OSBPL9: variants seen among roughly 807,000 people sequenced by gnomAD.
OSBPL9 encodes the protein oxysterol-binding protein-related protein 9.
OSBPL9 carries 40 observed loss-of-function variants against 106.6 expected under a neutral mutation model. The ratio of observed to expected loss-of-function variants is 0.38; its 90% confidence interval spans 0.29 to 0.49. The LOEUF (loss-of-function observed/expected upper bound fraction) is 0.49, where lower values mean the gene tolerates loss of function less well. Among genes scored for constraint, OSBPL9 ranks in the 20% least tolerant of loss-of-function variants. The pLI is 0.97. For missense variants in OSBPL9, 609 were observed against 887.2 expected (o/e 0.69, Z 3.98); for synonymous variants, 269 against 295.4 (o/e 0.91, Z 0.92).
At chr1:51,540,588 A>T in the OSBPL9 span, among the ~76,000 whole-genome samples, 86 of 151,338 alleles carry the variant, frequency 5.7e-4, 1 homozygote, top group African/African-American at 1.9e-3. Flanking sequence ...TGGGAGGTGG[A>T]GGTTGCAGTG....
At chr1:51,782,808 C>T (rs1268800388) in intron 17 of OSBPL9, among the ~76,000 whole-genome samples, 165 bp downstream of exon 17, 1 of 152,154 alleles carries the variant, frequency 6.6e-6, no homozygotes, top group Non-Finnish European at 1.5e-5. Flanking sequence ...ATATCTTTTC[C>T]TTTTGTAAGC....
At chr1:51,540,836 G>A in the OSBPL9 span, among the ~76,000 whole-genome samples, 2 of 151,190 alleles carry the variant, frequency 1.3e-5, no homozygotes, top group Non-Finnish European at 1.5e-5. Context: ...GTGGGCGTCT[G>A]TAATCCCAGC....
At chr1:51,711,621 C>T (rs2148886171) in intron 3 of OSBPL9, among the ~76,000 whole-genome samples, 1 of 136,342 alleles carries the variant, frequency 7.3e-6, no homozygotes, top group South Asian at 2.4e-4. Flanking sequence ...TCAGACGGGG[C>T]AGCTGCTGGG....
At chr1:51,607,758 T>C (rs1643958897) in intron 2 of OSBPL9, among the ~76,000 whole-genome samples, 1 of 152,298 alleles carries the variant, frequency 6.6e-6, no homozygotes, top group East Asian at 1.9e-4. Context: ...TCTCACCTCC[T>C]TGGAGGAAAG....
chr1:51,572,197 G>A (rs1319489264), upstream of OSBPL9, among the ~76,000 whole-genome samples: 2 of 152,152 alleles, frequency 1.3e-5, no homozygotes, highest in Non-Finnish European at 2.9e-5. Flanking sequence ...ACAGTAGCCA[G>A]GAGGAAGAAG....
At chr1:51,682,811 A>G (rs565759710) in intron 3 of OSBPL9, among the ~76,000 whole-genome samples, 1 of 152,090 alleles carries the variant, frequency 6.6e-6, no homozygotes, top group Non-Finnish European at 1.5e-5. Flanking sequence ...ATACTCTTCA[A>G]CTTTATTTTC....
the OSBPL9 span, among the ~76,000 whole-genome samples, chr1:51,552,675 A>G: frequency 1.3e-5 from 2 of 152,190 alleles, no homozygotes; most frequent in Non-Finnish European, 2.9e-5. Context: ...CCCAGATTGG[A>G]GTGCAGTGGT....
At chr1:51,738,950 C>T (rs1284610151) in intron 4 of OSBPL9, among the ~76,000 whole-genome samples, 1 of 151,934 alleles carries the variant, frequency 6.6e-6, no homozygotes, top group African/African-American at 2.4e-5. Flanking sequence ...ACATGTATTA[C>T]TCATTTAATC....
upstream of OSBPL9, among the ~76,000 whole-genome samples, chr1:51,574,783 A>C (rs1179018775): frequency 6.6e-6 from 1 of 152,112 alleles, no homozygotes; most frequent in Non-Finnish European, 1.5e-5. Flanking sequence ...TAAAATAATA[A>C]AATCAGCTCA....
chr1:51,557,206 C>T, the OSBPL9 span, among the ~76,000 whole-genome samples: 1,004 of 152,306 alleles, frequency 6.6e-3, 11 homozygotes, highest in African/African-American at 0.023. Context: ...ATTTGGCTTA[C>T]ATTACCCAAC....
At chr1:51,544,527 C>T in the OSBPL9 span, among the ~76,000 whole-genome samples, 9 of 152,194 alleles carry the variant, frequency 5.9e-5, no homozygotes, top group South Asian at 1.9e-3. Context: ...AAGCTTGGAA[C>T]TTTCGTGTAG....
At chr1:51,625,610 ACCAAGACTC>A (rs1185403773) in intron 1 of OSBPL9, among the ~76,000 whole-genome samples, 2 of 151,604 alleles carry the variant, frequency 1.3e-5, no homozygotes, top group Non-Finnish European at 2.9e-5. Flanking sequence ...AACGTCCAGC[ACCAAGACTC>A]AAAATCCTCC....
Position 51,669,472 on chromosome 1 carries a change from C to A in OSBPL9, c.201C>A (p.Thr67=). Residue 67 remains threonine (T), a synonymous_variant, in exon 3 of 24, where the codon ACC becomes ACA. Transcript: ENST00000428468. ...VIGIDDEDDS[T]FTITVDQKTF... Reference sequence around the variant, plus strand: ...GTATAGACGATGAGGACGACAGCACCTTCACAATAACTGTTGATCAGAAAA... The same window carrying A: ...GTATAGACGATGAGGACGACAGCACATTCACAATAACTGTTGATCAGAAAA... 2 of 1,614,068 alleles carry A rather than the reference C, an allele frequency of 1.2e-6. No homozygotes were observed. Among genetic ancestry groups the A allele is most frequent in the Non-Finnish European group, 1.7e-6 (2 of 1,179,982 alleles).
intron 15 of OSBPL9, among the ~76,000 whole-genome samples, chr1:51,778,248 AAAT>A (rs1431776881): frequency 6.6e-6 from 1 of 152,222 alleles, no homozygotes; most frequent in Non-Finnish European, 1.5e-5. Flanking sequence ...AGAAAAGGAG[AAAT>A]AATGGCATGA....
At chr1:51,651,926 G>A in intron 1 of OSBPL9, 65 bp from the exon 2 acceptor site, 1 of 1,314,456 alleles carries the variant, frequency 7.6e-7, no homozygotes, top group African/African-American at 1.5e-5. Context: ...ATCCCCAGAT[G>A]ATTCTAAAAA....
intron 3 of OSBPL9, among the ~76,000 whole-genome samples, chr1:51,711,642 C>G (rs942236328): frequency 1.4e-5 from 2 of 140,038 alleles, no homozygotes; most frequent in African/African-American, 5.6e-5. Context: ...CGGAGGGGCT[C>G]CTCACTTCTC....
At chr1:51,702,311 T>A (rs2148856901) in intron 3 of OSBPL9, among the ~76,000 whole-genome samples, 1 of 152,302 alleles carries the variant, frequency 6.6e-6, no homozygotes, top group African/African-American at 2.4e-5. Flanking sequence ...CAGCACCTGT[T>A]GTTTCCTGAC....
At chr1:51,784,387 C>T in intron 19 of OSBPL9, 55 bp from the exon 20 acceptor site, 1 of 1,611,294 alleles carries the variant, frequency 6.2e-7, no homozygotes, top group Non-Finnish European at 8.5e-7. Context: ...AGACATGCCC[C>T]TTCCCCCTCT....
chr1:51,746,772 C>T lies in OSBPL9; in HGVS notation c.462+15C>T, dbSNP rs1355175208. The stretch of plus-strand genomic sequence containing the variant: ...AACAGAGAAAGGTAACTTCCATAAC[C>T]GTGCTTTTGACGTTAAAAATTTTAA... On this transcript the variant is annotated intron_variant, in intron 6 of 23. Transcript: ENST00000428468. 1.1e-5 allele frequency: 17 copies of T among 1,593,890 alleles called. No individual in the cohort carries two copies. Among genetic ancestry groups the T allele is most frequent in the East Asian group, 2.2e-5 (1 of 44,610 alleles).
Sources: allele counts gnomAD v4.1 joint callset (sites outside exome capture counted in the v4.1 genomes callset), GRCh38; gene constraint gnomAD v4.1.1; transcripts MANE v1.5; gene names NCBI Gene and HGNC (gene_info 2026-07-23, HGNC 2026-07-21).